DENND1B: variants seen among roughly 807,000 people sequenced by gnomAD.
DENND1B encodes DENN domain-containing protein 1B.
In DENND1B, 59 loss-of-function variants were observed where a neutral mutation model predicts 90.1. That is an observed-to-expected ratio of 0.65 (90% CI 0.53 to 0.81). DENND1B has a LOEUF of 0.81. Among genes scored for constraint, DENND1B ranks in the 40% least tolerant of loss-of-function variants. DENND1B has a pLI of 0.00. For synonymous variants in DENND1B, 337 were observed against 324.6 expected (o/e 1.04, Z -0.41); for missense variants, 862 against 912.6 (o/e 0.94, Z 0.71).
the DENND1B span, among the ~76,000 whole-genome samples, chr1:197,781,934 A>C: frequency 6.6e-6 from 1 of 152,184 alleles, no homozygotes; most frequent in Non-Finnish European, 1.5e-5. Context: ...ACAGCAAAAG[A>C]TCTTCTTCTG....
chr1:197,733,734 A>G (rs1023043061), intron 2 of DENND1B, among the ~76,000 whole-genome samples: 3 of 152,214 alleles, frequency 2.0e-5, no homozygotes. Context: ...TCAGCTGAAA[A>G]TTAACTAAGG....
rs181706710 is a variant in DENND1B at position 197,644,414 on chromosome 1, T to C, written c.561+1276A>G. 1.2e-3 allele frequency among the ~76,000 whole-genome samples: 185 copies of C among 152,334 alleles called. 1 individual carries two copies. The highest frequency in any genetic ancestry group is 1.6e-3 in the Admixed American group (25 of 15,306). On this transcript the variant is annotated intron_variant, in intron 9 of 22. Coordinates refer to ENST00000620048, the MANE Select transcript of DENND1B (RefSeq NM_001195215.2). ...CATCTTTTTTAAAATGTGACATTTGTTAAATCAAGTTATTAGTTGTTTGTT... is the reference window on the plus strand; with the variant it reads ...CATCTTTTTTAAAATGTGACATTTGCTAAATCAAGTTATTAGTTGTTTGTT...
Position 197,510,479 on chromosome 1 carries a change from G to T in DENND1B, c.2309C>A (p.Thr770Lys). 6.2e-7 allele frequency: 1 copy of T among 1,604,972 alleles called. No individual in the cohort carries two copies. Among genetic ancestry groups the T allele is most frequent in the Non-Finnish European group, 8.5e-7 (1 of 1,175,190 alleles). ...QQSLNISDKN[T>K]NGNQT ...CAAGATTTAAGTTTGGTTTCCATTT[G>T]TGTTTTTGTCTGAAATGTTCAAGCT... is the stretch of plus-strand genomic sequence containing the variant. The change falls in exon 23 of 23, where the codon ACA (threonine) becomes AAA (lysine). Residue 770 changes from threonine (T) to lysine (K), a missense_variant. Thr to Lys is a moderately conservative substitution (Grantham distance 78). Transcript: ENST00000620048.
intron 2 of DENND1B, among the ~76,000 whole-genome samples, chr1:197,767,862 A>T (rs889195204): frequency 3.9e-5 from 6 of 152,176 alleles, no homozygotes; most frequent in African/African-American, 1.4e-4. Flanking sequence ...GTTTATACTC[A>T]AATATTTCCT....
chr1:197,583,369 A>ACC, intron 14 of DENND1B, 116 bp from the exon 15 acceptor site: 1 of 831,814 alleles, frequency 1.2e-6, no homozygotes, highest in Non-Finnish European at 1.9e-6. Flanking sequence ...GAAGCAACAG[A>ACC]CCCTTCCTTA....
chr1:197,556,726 AT>A (rs1411498053), intron 15 of DENND1B, among the ~76,000 whole-genome samples: 2 of 151,984 alleles, frequency 1.3e-5, no homozygotes, highest in Non-Finnish European at 2.9e-5. Context: ...AATGGGAGTA[AT>A]AAAAATACCT....
intron 7 of DENND1B, among the ~76,000 whole-genome samples, chr1:197,648,626 T>G (rs957996356): frequency 2.0e-5 from 3 of 152,172 alleles, no homozygotes; most frequent in African/African-American, 7.2e-5. Context: ...AATTACCATT[T>G]TTTGGAAAAT....
chr1:197,582,681 G>A (rs1425505728), intron 15 of DENND1B, among the ~76,000 whole-genome samples: 3 of 152,032 alleles, frequency 2.0e-5, no homozygotes, highest in Non-Finnish European at 4.4e-5. Context: ...GCATAACTAT[G>A]AGTCTTATTA....
intron 9 of DENND1B, 67 bp from the exon 10 acceptor site, chr1:197,642,888 C>T: frequency 9.4e-7 from 1 of 1,067,224 alleles, no homozygotes; most frequent in Non-Finnish European, 1.4e-6. Flanking sequence ...ACATTTTACA[C>T]ACTTACCAGA....
intron 13 of DENND1B, among the ~76,000 whole-genome samples, chr1:197,596,658 AACACATGCACACATATACACAAAT>A (rs1266162991): frequency 6.6e-6 from 1 of 151,684 alleles, no homozygotes; most frequent in Non-Finnish European, 1.5e-5. Context: ...ACACACACAC[AACACATGCACACATATACACAAAT>A]ACACATGCAC....
chr1:197,713,965 TC>T (rs1660361777), intron 3 of DENND1B, among the ~76,000 whole-genome samples: 1 of 5,680 alleles, frequency 1.8e-4, no homozygotes, highest in Admixed American at 1.6e-3. Flanking sequence ...ATAATAAATA[TC>T]ACCCATATAT....
intron 2 of DENND1B, among the ~76,000 whole-genome samples, chr1:197,757,584 T>C (rs1282350404): frequency 2.6e-5 from 4 of 152,156 alleles, no homozygotes; most frequent in African/African-American, 9.7e-5. Flanking sequence ...AGAAGGGTCT[T>C]ACATAAATTT....
the DENND1B span, among the ~76,000 whole-genome samples, chr1:197,781,643 T>G: frequency 1.3e-5 from 2 of 152,302 alleles, no homozygotes; most frequent in South Asian, 4.1e-4. Context: ...GAGGTGGGGA[T>G]TCGGGATCAA....
chr1:197,674,186 C>CA lies in DENND1B; in HGVS notation c.127-18dup, dbSNP rs34964379. The CA allele has an allele frequency of 1.3e-4, 204 of 1,552,590 alleles. No homozygotes were observed. Among genetic ancestry groups the CA allele is most frequent in the Middle Eastern group, 1.7e-4 (1 of 5,772 alleles). On this transcript the variant is annotated splice_polypyrimidine_tract_variant and intron_variant, in intron 3 of 22. Transcript: ENST00000620048. ...TAGTATTTCCTACAAATGGAAATTT[C>CA]AAAAAAAAGAAATAAGTTTTAGAAT...
chr1:197,528,582 C>T (rs886767614), intron 20 of DENND1B, among the ~76,000 whole-genome samples: 2 of 152,198 alleles, frequency 1.3e-5, no homozygotes, highest in East Asian at 1.9e-4. Context: ...TTCTTATGGC[C>T]GGGCGCGGTG....
intron 2 of DENND1B, among the ~76,000 whole-genome samples, chr1:197,728,245 T>C (rs1571523611): frequency 6.6e-6 from 1 of 152,330 alleles, no homozygotes; most frequent in East Asian, 1.9e-4. Context: ...TGAAAACTAC[T>C]GCCACAAATC....
intron 3 of DENND1B, among the ~76,000 whole-genome samples, chr1:197,679,874 G>C (rs1379080602): frequency 6.8e-6 from 1 of 146,728 alleles, no homozygotes; most frequent in African/African-American, 2.5e-5. Flanking sequence ...CCCCAGCCAG[G>C]CATGGTGGCT....
At chr1:197,768,597 G>C (rs1656016602) in intron 2 of DENND1B, among the ~76,000 whole-genome samples, 1 of 152,028 alleles carries the variant, frequency 6.6e-6, no homozygotes, top group South Asian at 2.1e-4. Flanking sequence ...ACCAGGAAGA[G>C]CATTAAGATC....
chr1:197,763,925 G>A (rs1775456), intron 2 of DENND1B, among the ~76,000 whole-genome samples: 129,947 of 152,248 alleles, frequency 0.85, 55,859 homozygotes, highest in African/African-American at 0.96. Context: ...TGTGCATGAC[G>A]CATAACTGGC....
Sources: allele counts gnomAD v4.1 joint callset (sites outside exome capture counted in the v4.1 genomes callset), GRCh38; gene constraint gnomAD v4.1.1; transcripts MANE v1.5; gene names NCBI Gene and HGNC (gene_info 2026-07-23, HGNC 2026-07-21).